FARP2: variants seen among roughly 807,000 people sequenced by gnomAD.
The protein encoded by FARP2 is FERM, ARHGEF and pleckstrin domain-containing protein 2.
FARP2 carries 111 observed loss-of-function variants against 130.5 expected under a neutral mutation model. The ratio of observed to expected loss-of-function variants is 0.85; its 90% CI spans 0.73 to 1.00. The LOEUF is 1.00. FARP2 is among the 50% of genes least tolerant of loss of function. The pLI, the probability that FARP2 is intolerant of heterozygous loss-of-function variation, is 0.00. For synonymous variants in FARP2, 504 were observed against 516.9 expected, an observed-to-expected ratio of 0.98 and a Z score of 0.34; for missense variants, 1,385 against 1,346.3, an observed-to-expected ratio of 1.03 and a Z score of -0.45.
intron 7 of FARP2, among the ~76,000 whole-genome samples, chr2:241,415,993 G>C (rs202006446): frequency 0.14 from 8,830 of 63,776 alleles, 640 homozygotes; most frequent in Admixed American, 0.35. Flanking sequence ...GTAGTTCTGT[G>C]TGTGTGTGTG....
intron 2 of FARP2, among the ~76,000 whole-genome samples, chr2:241,400,955 T>C (rs2062150893): frequency 6.6e-6 from 1 of 152,230 alleles, no homozygotes; most frequent in Non-Finnish European, 1.5e-5. Flanking sequence ...TGTGGAGCGC[T>C]GGCATGCCTC....
chr2:241,403,871 G>A lies in FARP2; in HGVS notation c.227G>A (p.Arg76His), dbSNP rs977659483. The change falls in exon 3 of 27, where the codon CGT (arginine) becomes CAT (histidine). Residue 76 changes from arginine to histidine, a missense_variant. Arg to His is a conservative substitution (Grantham distance 29, BLOSUM62 0). Transcript: ENST00000264042. ...GTATTACTGACACAAGTGTGGAAGCGTTTAAACCTGGTAGAATGTGACTAC... is the reference window on the plus strand; with the variant it reads ...GTATTACTGACACAAGTGTGGAAGCATTTAAACCTGGTAGAATGTGACTAC... The part of the protein sequence containing the change: ...GQVLLTQVWK[R>H]LNLVECDYFG... The A allele has an allele frequency of 7.4e-6, 12 of 1,613,752 alleles. No individual in the cohort carries two copies. Among genetic ancestry groups the A allele is most frequent in the African/African-American group, 5.3e-5 (4 of 74,914 alleles).
At chr2:241,477,417 C>T (rs572510401) in intron 19 of FARP2, among the ~76,000 whole-genome samples, 21 of 152,210 alleles carry the variant, frequency 1.4e-4, no homozygotes, top group African/African-American at 2.6e-4. Flanking sequence ...CATGAGCCAC[C>T]GTGCCCGGCC....
intron 1 of FARP2, among the ~76,000 whole-genome samples, chr2:241,367,241 C>G (rs1461727189): frequency 6.6e-6 from 1 of 152,088 alleles, no homozygotes; most frequent in Non-Finnish European, 1.5e-5. Flanking sequence ...GCCACACTGC[C>G]TTCAGACAAC....
At chr2:241,493,726 C>G (rs555560820) in intron 26 of FARP2, 1 of 516,248 alleles carries the variant, frequency 1.9e-6, no homozygotes, top group African/African-American at 1.9e-5. Flanking sequence ...TCCTGAGTAA[C>G]TGAGATTACA....
At chr2:241,445,244 CA>C (rs35639773) in intron 13 of FARP2, 148 of 103,224 alleles carry the variant, frequency 1.4e-3, no homozygotes, top group Admixed American at 2.5e-3. Flanking sequence ...GGCCCTGTCT[CA>C]AAAAAAAAAA....
intron 2 of FARP2, among the ~76,000 whole-genome samples, chr2:241,396,814 C>T (rs986165215): frequency 6.6e-6 from 1 of 152,072 alleles, no homozygotes; most frequent in African/African-American, 2.4e-5. Flanking sequence ...TACCATTTGA[C>T]CCAGCCATCC....
intron 12 of FARP2, among the ~76,000 whole-genome samples, chr2:241,438,385 C>G (rs1388272022): frequency 6.6e-6 from 1 of 152,026 alleles, no homozygotes; most frequent in Non-Finnish European, 1.5e-5. Flanking sequence ...TGAGACCTAT[C>G]TATCTGAAGA....
intron 2 of FARP2, among the ~76,000 whole-genome samples, chr2:241,401,259 C>T (rs13426326): frequency 0.19 from 28,934 of 152,150 alleles, 3,098 homozygotes; most frequent in Middle Eastern, 0.35. Flanking sequence ...TTGCCTCCCC[C>T]AGTTTGCACA....
intron 13 of FARP2, among the ~76,000 whole-genome samples, chr2:241,455,917 T>G (rs2063822589): frequency 6.6e-6 from 1 of 151,956 alleles, no homozygotes; most frequent in African/African-American, 2.4e-5. Context: ...TTTTTTGTAT[T>G]TTTAGTAGAG....
At chr2:241,439,189 A>AT (rs951874421) in intron 12 of FARP2, among the ~76,000 whole-genome samples, 12 of 147,808 alleles carry the variant, frequency 8.1e-5, no homozygotes, top group Admixed American at 2.0e-4. Flanking sequence ...CTAATTTTGT[A>AT]TTTTTTTTTG....
chr2:241,486,281 A>C (rs1308319475), intron 21 of FARP2, among the ~76,000 whole-genome samples: 1 of 147,442 alleles, frequency 6.8e-6, no homozygotes, highest in Non-Finnish European at 1.5e-5. Context: ...CCAAATCTCC[A>C]AAAATCTTTT....
chr2:241,384,998 T>G (rs1322549897), intron 2 of FARP2, among the ~76,000 whole-genome samples: 1 of 152,200 alleles, frequency 6.6e-6, no homozygotes, highest in Non-Finnish European at 1.5e-5. Context: ...TTAATTGTAT[T>G]AAGAAATGAA....
intron 8 of FARP2, among the ~76,000 whole-genome samples, chr2:241,427,227 C>T (rs1247506884): frequency 6.6e-6 from 1 of 151,270 alleles, no homozygotes; most frequent in Non-Finnish European, 1.5e-5. Flanking sequence ...AAGAGCGAAA[C>T]TCTGTCTCAA....
intron 7 of FARP2, among the ~76,000 whole-genome samples, chr2:241,415,115 G>T (rs749321318): frequency 6.6e-6 from 1 of 152,158 alleles, no homozygotes; most frequent in Non-Finnish European, 1.5e-5. Flanking sequence ...CGGACATGAC[G>T]GTGTGGGGCA....
chr2:241,441,479 G>A lies in FARP2; in HGVS notation c.1334G>A (p.Arg445His), dbSNP rs761531007. 1.7e-5 allele frequency: 27 copies of A among 1,614,050 alleles called. No individual in the cohort carries two copies. The Admixed American group carries it at 2.0e-4, about 12-fold the overall frequency. ...GTCAAGAGTCCAGCTGCAGAGAGGC[G>A]CAGTGGAGCAGTGGCTGGAGGCCCC... ...SYVKSPAAERRSGAVAGGPDT... is the reference protein window; with the variant it reads ...SYVKSPAAERHSGAVAGGPDT... The change falls in exon 13 of 27, where the codon CGC (arginine) becomes CAC (histidine). Residue 445 changes from arginine (R) to histidine (H), a missense_variant. Transcript: ENST00000264042.
chr2:241,488,153 C>T (rs2064803464), intron 21 of FARP2: 1 of 146,166 alleles, frequency 6.8e-6, no homozygotes, highest in Non-Finnish European at 1.5e-5. Flanking sequence ...TTGTTGAATA[C>T]CAAACTGGAA....
At chr2:241,426,645 G>A (rs565193714) in intron 8 of FARP2, among the ~76,000 whole-genome samples, 1 of 152,350 alleles carries the variant, frequency 6.6e-6, no homozygotes, top group East Asian at 1.9e-4. Context: ...AAGAGGACTT[G>A]ATGTGGAGTG....
At chr2:241,472,329 T>A (rs1424980598) in intron 18 of FARP2, among the ~76,000 whole-genome samples, 1 of 151,634 alleles carries the variant, frequency 6.6e-6, no homozygotes, top group Admixed American at 6.6e-5. Context: ...TGAGATGCTG[T>A]TCTCAGGGGA....
Sources: allele counts gnomAD v4.1 joint callset (sites outside exome capture counted in the v4.1 genomes callset), GRCh38; gene constraint gnomAD v4.1.1; transcripts MANE v1.5; gene names NCBI Gene and HGNC (gene_info 2026-07-23, HGNC 2026-07-21).